The following SEC14L1 variants were observed in gnomAD, a reference collection of about 807,000 sequenced individuals.
The protein encoded by SEC14L1 is SEC14-like protein 1.
SEC14L1 carries 48 observed loss-of-function variants against 85.3 expected under a neutral mutation model. The ratio of observed to expected loss-of-function variants is 0.56; its 90% CI spans 0.45 to 0.72. The LOEUF (loss-of-function observed/expected upper bound fraction) is 0.72, where lower values mean the gene tolerates loss of function less well. SEC14L1 is among the 30% of genes least tolerant of loss of function. The pLI is 0.00. For synonymous variants in SEC14L1, 391 were observed against 355.5 expected, an observed-to-expected ratio of 1.10 and a Z score of -1.12; for missense variants, 682 against 921.4, an observed-to-expected ratio of 0.74 and a Z score of 3.36.
chr17:77,114,659 A>G (rs936610638), intron 3 of SEC14L1, among the ~76,000 whole-genome samples: 15 of 150,622 alleles, frequency 1.0e-4, no homozygotes, highest in African/African-American at 3.4e-4. Context: ...ACATGGTGAA[A>G]CCCCGTCTCT....
intron 3 of SEC14L1, among the ~76,000 whole-genome samples, chr17:77,100,332 T>G (rs960988875): frequency 6.6e-6 from 1 of 151,946 alleles, no homozygotes; most frequent in East Asian, 1.9e-4. Flanking sequence ...CGCCCTGCGC[T>G]GCAGTGTGTG....
intron 3 of SEC14L1, among the ~76,000 whole-genome samples, chr17:77,160,605 T>A (rs1426001313): frequency 6.6e-5 from 10 of 152,370 alleles, no homozygotes; most frequent in Admixed American, 2.0e-4. Flanking sequence ...CATTCAAGAT[T>A]TATTGACGGA....
At chr17:77,172,965 G>A (rs1042625607) in intron 3 of SEC14L1, among the ~76,000 whole-genome samples, 2 of 152,164 alleles carry the variant, frequency 1.3e-5, no homozygotes, top group African/African-American at 4.8e-5. Context: ...GGATGCTCAC[G>A]TTCCCAAATT....
At chr17:77,207,406 A>G (rs1976520570) in intron 13 of SEC14L1, among the ~76,000 whole-genome samples, 3 of 151,252 alleles carry the variant, frequency 2.0e-5, no homozygotes, top group African/African-American at 7.3e-5. Context: ...AATTTTTTGT[A>G]GAGGCAGAGT....
chr17:77,181,741 C>G (rs927067277), intron 3 of SEC14L1, among the ~76,000 whole-genome samples: 21 of 152,180 alleles, frequency 1.4e-4, no homozygotes, highest in Admixed American at 1.0e-3. Flanking sequence ...TGTCTTGCCT[C>G]TCTAAATAAG....
At chr17:77,197,000 C>T (rs982834343) in intron 8 of SEC14L1, among the ~76,000 whole-genome samples, 5 of 152,190 alleles carry the variant, frequency 3.3e-5, no homozygotes, top group Non-Finnish European at 7.3e-5. Flanking sequence ...TGGTTTTACA[C>T]GTGAGGAAAC....
At chr17:77,200,863 C>T (rs1241869475) in intron 9 of SEC14L1, among the ~76,000 whole-genome samples, 190 bp downstream of exon 9, 1 of 152,206 alleles carries the variant, frequency 6.6e-6, no homozygotes, top group Non-Finnish European at 1.5e-5. Context: ...ACTCCCGTCC[C>T]GCCCCGGGCA....
Position 77,216,889 on chromosome 17 carries a change from C to T in SEC14L1, c.*2866C>T, listed in dbSNP as rs1188828413. 1.1e-5 allele frequency: 3 copies of T among 284,666 alleles called. No individual in the cohort carries two copies. Among genetic ancestry groups the T allele is most frequent in the Admixed American group, 4.8e-5 (1 of 20,842 alleles). The allele number at this position is 284,666 out of a possible 1,614,324, so 17.6% of individuals were successfully genotyped here. On this transcript the variant is annotated 3_prime_UTR_variant, in exon 17 of 17. Transcript: ENST00000436233. ...TTAGTACCTTGCCACTCTTTTAAAA[C>T]GCTGCTGTCATTTCCCATTTCTTAG...
At chr17:77,113,927 G>C (rs952904222) in intron 3 of SEC14L1, among the ~76,000 whole-genome samples, 3 of 152,184 alleles carry the variant, frequency 2.0e-5, no homozygotes, top group Non-Finnish European at 4.4e-5. Context: ...AGTTAAGCAT[G>C]ATAGGTTAGT....
intron 5 of SEC14L1, 35 bp downstream of exon 5, chr17:77,191,347 C>T: frequency 6.2e-7 from 1 of 1,611,218 alleles, no homozygotes; most frequent in South Asian, 1.1e-5. Flanking sequence ...AGATGTTCTG[C>T]CGACATATGG....
chr17:77,207,915 A>T (rs1235513894), intron 13 of SEC14L1, among the ~76,000 whole-genome samples: 1 of 152,166 alleles, frequency 6.6e-6, no homozygotes, highest in African/African-American at 2.4e-5. Context: ...CTTCTAGCCC[A>T]TGGTGCACAG....
chr17:77,128,313 G>A (rs1431330544), intron 3 of SEC14L1, among the ~76,000 whole-genome samples: 6 of 152,196 alleles, frequency 3.9e-5, no homozygotes, highest in African/African-American at 1.4e-4. Flanking sequence ...CCTGACCAGA[G>A]GCCACAGGGG....
intron 3 of SEC14L1, among the ~76,000 whole-genome samples, chr17:77,114,872 C>T (rs1044866218): frequency 6.1e-5 from 9 of 148,290 alleles, no homozygotes; most frequent in African/African-American, 2.2e-4. Flanking sequence ...GGCAGGCACA[C>T]ACTTGAAACA....
chr17:77,137,587 C>T (rs574271328), upstream of SEC14L1, among the ~76,000 whole-genome samples: 197 of 152,288 alleles, frequency 1.3e-3, 1 homozygote, highest in African/African-American at 4.4e-3. Context: ...TTCAGACTAT[C>T]TCAGGGCCTA....
chr17:77,135,452 A>G (rs780192747), intron 3 of SEC14L1, among the ~76,000 whole-genome samples: 1 of 152,192 alleles, frequency 6.6e-6, no homozygotes, highest in Non-Finnish European at 1.5e-5. Context: ...CACACTGTGT[A>G]TAGACTTAGT....
intron 14 of SEC14L1, chr17:77,210,230 G>A (rs1338039180): frequency 1.3e-5 from 2 of 152,316 alleles, no homozygotes; most frequent in Non-Finnish European, 2.9e-5. Context: ...GGAGCAAGGA[G>A]GGTGTTCCTG....
At chr17:77,208,919 A>C (rs1348771340) in intron 13 of SEC14L1, among the ~76,000 whole-genome samples, 1 of 152,238 alleles carries the variant, frequency 6.6e-6, no homozygotes, top group African/African-American at 2.4e-5. Context: ...AGAAAACATT[A>C]TTCATTGATT....
chr17:77,126,106 G>A (rs1453437954), intron 3 of SEC14L1, among the ~76,000 whole-genome samples: 1 of 152,170 alleles, frequency 6.6e-6, no homozygotes, highest in Non-Finnish European at 1.5e-5. Context: ...AGCTGAGATC[G>A]CACCACTGCA....
rs146337067 is a variant in SEC14L1, at chr17:77,126,309, G to A, written c.-135-16337G>A. Among the ~76,000 whole-genome samples the A allele has an allele frequency of 4.4e-3, 664 of 152,366 alleles. 23 individuals carry two copies. Among genetic ancestry groups the A allele is most frequent in the Admixed American group, 0.04 (616 of 15,304 alleles). On this transcript the variant is annotated intron_variant, in intron 3 of 19. Transcript: ENST00000392476. Reference sequence around the variant, plus strand: ...TGTGATGAAGATCATCGTGATGCTTGTGAAGTGCCTAGCACAGGGCCTGGG... The same window carrying A: ...TGTGATGAAGATCATCGTGATGCTTATGAAGTGCCTAGCACAGGGCCTGGG...
Sources: allele counts gnomAD v4.1 joint callset (sites outside exome capture counted in the v4.1 genomes callset), GRCh38; gene constraint gnomAD v4.1.1; transcripts MANE v1.5; gene names NCBI Gene and HGNC (gene_info 2026-07-23, HGNC 2026-07-21).